The following RYR2 variants were observed in gnomAD, a reference collection of about 807,000 sequenced individuals.
The protein encoded by RYR2 is cardiac muscle ryanodine receptor-calcium release channel.
A neutral mutation model predicts 601.1 loss-of-function variants in RYR2; 227 were observed. That is an observed-to-expected ratio of 0.38 (90% CI 0.34 to 0.42). The LOEUF (loss-of-function observed/expected upper bound fraction) is 0.42. RYR2 is among the 10% of genes least tolerant of loss of function. RYR2 has a pLI of 1.00. For missense variants in RYR2, 4,646 were observed against 6,156.5 expected, an observed-to-expected ratio of 0.75 and a Z score of 8.21; for synonymous variants, 2,223 against 2,175.1, an observed-to-expected ratio of 1.02 and a Z score of -0.61.
intron 2 of RYR2, among the ~76,000 whole-genome samples, chr1:237,306,143 A>G (rs2149471192): frequency 6.6e-6 from 1 of 152,356 alleles, no homozygotes; most frequent in East Asian, 1.9e-4. Context: ...GAAAATACTT[A>G]CTAGGACTAG....
At chr1:237,294,153 C>G (rs1259411527) in intron 2 of RYR2, among the ~76,000 whole-genome samples, 2 of 152,158 alleles carry the variant, frequency 1.3e-5, no homozygotes, top group Non-Finnish European at 2.9e-5. Flanking sequence ...TTTCCATATT[C>G]TCCTTGAACT....
intron 27 of RYR2, among the ~76,000 whole-genome samples, chr1:237,561,935 G>A (rs1391442259): frequency 2.6e-5 from 4 of 152,076 alleles, no homozygotes; most frequent in African/African-American, 4.8e-5. Flanking sequence ...ATAGCATAAA[G>A]CAAAATCAGT....
At chr1:237,793,406 T>C (rs1282935362) in intron 94 of RYR2, among the ~76,000 whole-genome samples, 1 of 152,206 alleles carries the variant, frequency 6.6e-6, no homozygotes, top group Non-Finnish European at 1.5e-5. Context: ...AAATTAAAAT[T>C]TATCTCAAAA....
At chr1:237,820,732 G>A (rs1796914) in intron 101 of RYR2, among the ~76,000 whole-genome samples, 39,991 of 152,038 alleles carry the variant, frequency 0.26, 5,719 homozygotes, top group East Asian at 0.61. Flanking sequence ...CTGGCTTGGC[G>A]GGTCCCACCC....
At position 237,700,407 on chromosome 1, in the gene RYR2, C is replaced by G. The variant is rs1469911406; in HGVS notation, c.9307C>G (p.Pro3103Ala). ...IINYTTVALL[P>A]MLSSLFEHIG... ...CAATTACACCACAGTGGCCCTGCTGCCAATGCTGTCTTCATTATTTGAACA... is the reference window on the plus strand; with the variant it reads ...CAATTACACCACAGTGGCCCTGCTGGCAATGCTGTCTTCATTATTTGAACA... Residue 3103 changes from proline to alanine, a missense_variant, in exon 65 of 105, where the codon CCA becomes GCA. By Grantham distance (27) the Pro-to-Ala change is conservative (BLOSUM62 -1). Around this residue, in one of 17 missense-constraint regions of RYR2, gnomAD observed 1,497 missense variants for 1,842.6 expected, o/e 0.81. Transcript: ENST00000366574. The G allele has an allele frequency of 1.2e-6, 2 of 1,609,814 alleles. No homozygotes were observed. The highest frequency in any genetic ancestry group is 1.7e-6 in the Non-Finnish European group (2 of 1,177,698).
intron 1 of RYR2, among the ~76,000 whole-genome samples, chr1:237,082,386 C>G (rs1199688731): frequency 6.6e-6 from 1 of 151,682 alleles, no homozygotes; most frequent in Non-Finnish European, 1.5e-5. Flanking sequence ...TTTTAATGGT[C>G]TGGAAATGAA....
intron 58 of RYR2, among the ~76,000 whole-genome samples, chr1:237,671,644 C>G (rs1343526686): frequency 6.6e-6 from 1 of 151,974 alleles, no homozygotes. Context: ...CTTTTATCAT[C>G]CCTGCATCTG....
chr1:237,615,752 TA>T (rs1193708340), intron 37 of RYR2, among the ~76,000 whole-genome samples: 7 of 152,176 alleles, frequency 4.6e-5, no homozygotes, highest in Admixed American at 3.9e-4. Context: ...ATTTATGCAT[TA>T]AAAAATCTTA....
intron 5 of RYR2, among the ~76,000 whole-genome samples, chr1:237,365,726 A>G (rs1700136629): frequency 6.6e-6 from 1 of 152,214 alleles, no homozygotes; most frequent in Admixed American, 6.5e-5. Flanking sequence ...TATTCATTTT[A>G]TCATCTCATT....
rs371938986 is a variant in RYR2 at position 237,593,469 on chromosome 1, T to C, written c.4276-7T>C. ...TTTGCCAATATTTGGTTCTGCTATC[T>C]TCACAGTACTATTACTCAGTGAGAA... is the stretch of plus-strand genomic sequence containing the variant. On this transcript the variant is annotated splice_region_variant and splice_polypyrimidine_tract_variant and intron_variant, in intron 32 of 104. Coordinates refer to ENST00000366574, the MANE Select transcript of RYR2 (RefSeq NM_001035.3). The C allele has an allele frequency of 1.3e-6, 2 of 1,591,680 alleles. No homozygotes were observed. The highest frequency in any genetic ancestry group is 1.4e-5 in the African/African-American group (1 of 73,930).
intron 1 of RYR2, among the ~76,000 whole-genome samples, chr1:237,078,036 T>C (rs1665217186): frequency 1.3e-5 from 1 of 75,172 alleles, no homozygotes; most frequent in Admixed American, 1.5e-4. Context: ...ACTGGGTACA[T>C]AACGAAATGA....
At chr1:237,104,322 G>T (rs546012652) in intron 1 of RYR2, among the ~76,000 whole-genome samples, 5 of 152,182 alleles carry the variant, frequency 3.3e-5, no homozygotes, top group African/African-American at 1.2e-4. Flanking sequence ...CCCTGCCAAG[G>T]ACGTTTCCTT....
At chr1:237,740,001 A>G (rs1691475055) in intron 79 of RYR2, among the ~76,000 whole-genome samples, 1 of 152,050 alleles carries the variant, frequency 6.6e-6, no homozygotes, top group Admixed American at 6.6e-5. Flanking sequence ...CCCTTTATGT[A>G]TTTAGCTTAT....
At chr1:237,198,118 CG>C (rs1680766249) in intron 1 of RYR2, among the ~76,000 whole-genome samples, 1 of 152,116 alleles carries the variant, frequency 6.6e-6, no homozygotes, top group Non-Finnish European at 1.5e-5. Context: ...TGGCCCAGTC[CG>C]GGTTATGGCC....
chr1:237,708,336 GA>G (rs1323596159), intron 68 of RYR2, among the ~76,000 whole-genome samples: 3 of 152,032 alleles, frequency 2.0e-5, no homozygotes, highest in Non-Finnish European at 4.4e-5. Flanking sequence ...CTTTCAGGGG[GA>G]AAAAAGTCAT....
chr1:237,677,920 G>T, intron 60 of RYR2, 128 bp from the exon 61 acceptor site: 5 of 616,176 alleles, frequency 8.1e-6, no homozygotes, highest in South Asian at 2.1e-5. Context: ...TTATATTTTT[G>T]GTTGGCTTTT....
intron 38 of RYR2, among the ~76,000 whole-genome samples, chr1:237,620,523 T>C (rs919073634): frequency 2.0e-5 from 3 of 152,116 alleles, no homozygotes; most frequent in Admixed American, 1.3e-4. Flanking sequence ...AGTGAATTTA[T>C]AAAACTCAAT....
At chr1:237,716,782 A>C (rs539039648) in intron 71 of RYR2, among the ~76,000 whole-genome samples, 2 of 144,830 alleles carry the variant, frequency 1.4e-5, no homozygotes, top group East Asian at 2.0e-4. Context: ...ACACACACAC[A>C]CCATATACAT....
chr1:237,550,540 G>A lies in RYR2; in HGVS notation c.3067-4G>A. On this transcript the variant is annotated splice_polypyrimidine_tract_variant and splice_region_variant and intron_variant, in intron 26 of 104. Transcript: ENST00000366574. ...TGACGGCTGCACCCTGTGTTTTCCT[G>A]CAGGACGTAAAGAACAGAAGAAATC... The A allele has an allele frequency of 6.2e-7, 1 of 1,608,240 alleles. No individual in the cohort carries two copies. The highest frequency in any genetic ancestry group is 8.5e-7 in the Non-Finnish European group (1 of 1,177,322).
Sources: gnomAD v4.1 joint callset for allele counts (sites outside exome capture counted in the v4.1 genomes callset) on GRCh38, gnomAD v4.1.1 for gene constraint, gnomAD v4.1.1 regional missense constraint, MANE v1.5 for transcripts, NCBI Gene and HGNC (gene_info 2026-07-23, HGNC 2026-07-21) for gene names.